Variants in GPR19 observed in about 807,000 individuals in gnomAD.
GPR19 encodes G protein-coupled receptor 19, also known as probable G protein-coupled receptor 19.
In GPR19, 14 loss-of-function variants were observed where a neutral mutation model predicts 28.5. That is an observed-to-expected ratio of 0.49 (90% CI 0.32 to 0.77). The LOEUF is 0.77. Among genes scored for constraint, GPR19 ranks in the 30% least tolerant of loss-of-function variants. The pLI is 0.03. For missense variants in GPR19, 409 were observed against 504.1 expected (o/e 0.81, Z 1.81); for synonymous variants, 173 against 184.1 (o/e 0.94, Z 0.49).
chr12:12,674,061 A>G (rs1945895573), intron 3 of GPR19, among the ~76,000 whole-genome samples: 1 of 151,846 alleles, frequency 6.6e-6, no homozygotes, highest in Non-Finnish European at 1.5e-5. Flanking sequence ...AATATATAAA[A>G]ATTAGCCCAG....
chr12:12,683,182 G>T (rs968882780), intron 3 of GPR19, among the ~76,000 whole-genome samples: 1 of 152,034 alleles, frequency 6.6e-6, no homozygotes, highest in East Asian at 1.9e-4. Context: ...GTAACATAGC[G>T]TTTTACTACA....
intron 2 of GPR19, among the ~76,000 whole-genome samples, chr12:12,686,180 G>C (rs1389136739): frequency 6.6e-6 from 1 of 152,198 alleles, no homozygotes; most frequent in Non-Finnish European, 1.5e-5. Flanking sequence ...GACGAATGCT[G>C]ACTTGCAATG....
At chr12:12,667,047 G>T (rs1174620776) in intron 3 of GPR19, among the ~76,000 whole-genome samples, 2 of 152,068 alleles carry the variant, frequency 1.3e-5, no homozygotes, top group Non-Finnish European at 2.9e-5. Context: ...TTTCAGAAAG[G>T]CCTCCCCTGC....
At chr12:12,693,402 A>C (rs1047775795) in intron 2 of GPR19, among the ~76,000 whole-genome samples, 1 of 152,176 alleles carries the variant, frequency 6.6e-6, no homozygotes, top group Non-Finnish European at 1.5e-5. Flanking sequence ...GCAGGTTGTA[A>C]AGATCCGCCC....
chr12:12,685,689 T>A (rs1946088414), intron 2 of GPR19, among the ~76,000 whole-genome samples: 1 of 152,192 alleles, frequency 6.6e-6, no homozygotes, highest in Admixed American at 6.5e-5. Context: ...GGAATTAGTA[T>A]GGACACTGCA....
chr12:12,665,819 C>CAAAAAAAAAAAAAAAAAAAAAAAAAAA (rs528302150), intron 3 of GPR19, among the ~76,000 whole-genome samples: 1 of 75,726 alleles, frequency 1.3e-5, no homozygotes, highest in Non-Finnish European at 2.2e-5. Flanking sequence ...GACTCCGTCT[C>CAAAAAAAAAAAAAAAAAAAAAAAAAAA]AAAAAAAAAA....
chr12:12,703,529 T>C, the GPR19 span: 2 of 454,586 alleles, frequency 4.4e-6, no homozygotes, highest in Non-Finnish European at 5.8e-6. Context: ...CCCCTCGCTC[T>C]AGCACATAGT....
chr12:12,672,158 T>A (rs1170652686), intron 3 of GPR19, among the ~76,000 whole-genome samples: 1 of 152,236 alleles, frequency 6.6e-6, no homozygotes, highest in African/African-American at 2.4e-5. Context: ...GCCTGAGCTT[T>A]ACCCCACATG....
chr12:12,697,642 A>G (rs1946286238), upstream of GPR19, among the ~76,000 whole-genome samples: 1 of 152,212 alleles, frequency 6.6e-6, no homozygotes, highest in African/African-American at 2.4e-5. Context: ...TTTTCAAGAC[A>G]TATGAAATTA....
chr12:12,673,051 C>T (rs1038682504), intron 3 of GPR19, among the ~76,000 whole-genome samples: 6 of 152,160 alleles, frequency 3.9e-5, no homozygotes, highest in Admixed American at 2.6e-4. Flanking sequence ...CAAGAATTGA[C>T]GGGAAATGGA....
chr12:12,717,161 G>T, the GPR19 span: 3 of 1,035,376 alleles, frequency 2.9e-6, no homozygotes, highest in African/African-American at 1.7e-5. Context: ...AGGTTTGTTG[G>T]CAGCAGTACC....
intron 3 of GPR19, among the ~76,000 whole-genome samples, chr12:12,666,362 G>T (rs1945779190): frequency 6.6e-6 from 1 of 152,214 alleles, no homozygotes; most frequent in Non-Finnish European, 1.5e-5. Context: ...ACAGCATCTT[G>T]TTAGTCCTTT....
upstream of GPR19, among the ~76,000 whole-genome samples, chr12:12,698,386 C>G (rs927624683): frequency 6.6e-6 from 1 of 152,104 alleles, no homozygotes; most frequent in African/African-American, 2.4e-5. Context: ...GGCATACTCC[C>G]CTGTGATTAC....
At chr12:12,697,180 A>T (rs1259009302), upstream of GPR19, among the ~76,000 whole-genome samples, 1 of 145,232 alleles carries the variant, frequency 6.9e-6, no homozygotes, top group Non-Finnish European at 1.5e-5. Context: ...AAAAAAAAGC[A>T]GCCATGCAAA....
chr12:12,699,694 T>C (rs967570351), upstream of GPR19, among the ~76,000 whole-genome samples: 2 of 152,170 alleles, frequency 1.3e-5, no homozygotes, highest in African/African-American at 4.8e-5. Context: ...GCAAATTTGG[T>C]TTGTGACTGG....
Position 12,685,227 on chromosome 12 carries a change from C to A in GPR19, c.-179-720G>T, listed in dbSNP as rs1384819909. On this transcript the variant is annotated intron_variant, in intron 2 of 3. Coordinates refer to ENST00000651487, the MANE Select transcript of GPR19 (RefSeq NM_006143.3). ...GACCATCCCATACCTACCTCCCTGT[C>A]CCCATCCCATCACCCATCCTCACTC... is the stretch of plus-strand genomic sequence containing the variant. Among the ~76,000 whole-genome samples, 10 of 151,924 alleles carry A rather than the reference C, an allele frequency of 6.6e-5. No homozygotes were observed. In the South Asian group the frequency reaches 2.1e-3, roughly 32 times the overall value.
intron 3 of GPR19, among the ~76,000 whole-genome samples, chr12:12,663,797 G>A (rs1013979460): frequency 1.3e-5 from 2 of 152,096 alleles, no homozygotes; most frequent in African/African-American, 2.4e-5. Flanking sequence ...AAGCCCATGT[G>A]GGGTTACAGC....
At chr12:12,713,681 C>T in the GPR19 span, among the ~76,000 whole-genome samples, 2 of 151,974 alleles carry the variant, frequency 1.3e-5, no homozygotes, top group South Asian at 2.1e-4. Context: ...TACAGGCCTG[C>T]ACTACCATGC....
At chr12:12,703,640 TAGCTA>T in the GPR19 span, among the ~76,000 whole-genome samples, 21,408 of 152,096 alleles carry the variant, frequency 0.14, 1,684 homozygotes, top group African/African-American at 0.19. Flanking sequence ...GTTCTTGGCT[TAGCTA>T]ATAACCATTT....
Sources: allele counts gnomAD v4.1 joint callset (sites outside exome capture counted in the v4.1 genomes callset), GRCh38; gene constraint gnomAD v4.1.1; transcripts MANE v1.5; gene names NCBI Gene and HGNC (gene_info 2026-07-23, HGNC 2026-07-21).